Variants in USP15 observed in about 807,000 individuals in gnomAD.
USP15 encodes the protein ubiquitin specific peptidase 15.
USP15 carries 18 observed loss-of-function variants against 127.1 expected under a neutral mutation model. The ratio of observed to expected loss-of-function variants is 0.14; its 90% CI spans 0.10 to 0.21. The LOEUF (loss-of-function observed/expected upper bound fraction) is 0.21, where lower values mean the gene tolerates loss of function less well. USP15 is among the 10% of genes least tolerant of loss of function. The pLI is 1.00. For missense variants in USP15, 805 were observed against 1,159.9 expected, an observed-to-expected ratio of 0.69 and a Z score of 4.44; for synonymous variants, 364 against 393.7, an observed-to-expected ratio of 0.92 and a Z score of 0.89.
In USP15 at chr12:62,302,774, A is replaced by G. The variant is rs371223445; in HGVS notation, c.218-16A>G. ...GTATTTAGAGTTAGGTATTGAGTTTATTTTTTCTTTTGCAGATGGTGATGC... is the reference window on the plus strand; with the variant it reads ...GTATTTAGAGTTAGGTATTGAGTTTGTTTTTTCTTTTGCAGATGGTGATGC... On this transcript the variant is annotated splice_polypyrimidine_tract_variant and intron_variant, in intron 2 of 21. Transcript: ENST00000280377. 1.1e-5 allele frequency: 18 copies of G among 1,598,602 alleles called. No homozygotes were observed. In the African/African-American group the frequency reaches 1.3e-4, roughly 12 times the overall value.
chr12:62,270,348 T>TG (rs2063320071), intron 1 of USP15, among the ~76,000 whole-genome samples: 1 of 152,136 alleles, frequency 6.6e-6, no homozygotes. Context: ...CACTGAAACA[T>TG]GGAAGTTTTT....
Position 62,396,368 on chromosome 12 carries a change from A to C in USP15, c.2644A>C (p.Asn882His). The part of the protein sequence containing the change: ...PCRYNLIAVS[N>H]HYGGMGGGHY... ...CCGCTATAATCTGATTGCTGTTTCC[A>C]ACCACTATGGAGGGATGGGAGGAGG... is the stretch of plus-strand genomic sequence containing the variant. Residue 882 changes from asparagine to histidine, a missense_variant, in exon 20 of 22, where the codon AAC becomes CAC. Coordinates refer to ENST00000280377, the MANE Select transcript of USP15 (RefSeq NM_001252078.2). 6.2e-7 allele frequency: 1 copy of C among 1,612,260 alleles called. No individual in the cohort carries two copies.
chr12:62,391,588 A>G (rs2067327247), intron 16 of USP15, among the ~76,000 whole-genome samples, 159 bp downstream of exon 16: 1 of 152,100 alleles, frequency 6.6e-6, no homozygotes, highest in South Asian at 2.1e-4. Context: ...GTAGACTAAA[A>G]TGTGTGTTTG....
chr12:62,329,851 A>T (rs1483176270), intron 6 of USP15, among the ~76,000 whole-genome samples: 1 of 152,194 alleles, frequency 6.6e-6, no homozygotes, highest in Non-Finnish European at 1.5e-5. Context: ...TAATATTGTC[A>T]TTCTGTAAAC....
chr12:62,301,773 A>G (rs1005701987), intron 2 of USP15, among the ~76,000 whole-genome samples: 2 of 152,138 alleles, frequency 1.3e-5, no homozygotes, highest in African/African-American at 2.4e-5. Context: ...TATTGTTTAT[A>G]TCTTATTGGG....
chr12:62,278,053 CTTATTCTATAAGCT>C (rs907694312), intron 1 of USP15, among the ~76,000 whole-genome samples: 2 of 152,208 alleles, frequency 1.3e-5, no homozygotes, highest in African/African-American at 4.8e-5. Context: ...TCTTCATATC[CTTATTCTATAAGCT>C]TTTTTCTATT....
In USP15 at chr12:62,352,825, A is replaced by G. The variant is rs529875775; in HGVS notation, c.771-2506A>G. Reference sequence around the variant, plus strand: ...ATCTTTTATGGAAAGGTAAGGTTCAATTTCACAAAAAAAAAGTGTATTTTT... The same window carrying G: ...ATCTTTTATGGAAAGGTAAGGTTCAGTTTCACAAAAAAAAAGTGTATTTTT... On this transcript the variant is annotated intron_variant, in intron 7 of 21. Coordinates refer to ENST00000280377, the MANE Select transcript of USP15 (RefSeq NM_001252078.2). 2.0e-4 allele frequency among the ~76,000 whole-genome samples: 9 copies of G among 44,300 alleles called. No individual in the cohort carries two copies. The South Asian group carries it at 2.1e-3, about 10-fold the overall frequency. The allele number at this position is 44,300 out of a possible 152,430, so 29.1% of individuals were successfully genotyped here.
intron 8 of USP15, among the ~76,000 whole-genome samples, chr12:62,363,380 T>G (rs139228043): frequency 3.2e-4 from 48 of 152,266 alleles, no homozygotes; most frequent in Admixed American, 1.4e-3. Flanking sequence ...CTTACCTCCA[T>G]GCTTACCTTG....
At chr12:62,298,483 G>A (rs1293664275) in intron 2 of USP15, among the ~76,000 whole-genome samples, 1 of 152,086 alleles carries the variant, frequency 6.6e-6, no homozygotes, top group Non-Finnish European at 1.5e-5. Context: ...TGGCCAACAT[G>A]GTGAAACCCC....
intron 20 of USP15, among the ~76,000 whole-genome samples, chr12:62,398,242 C>G (rs1334269012): frequency 6.6e-6 from 1 of 152,174 alleles, no homozygotes; most frequent in Non-Finnish European, 1.5e-5. Flanking sequence ...ATCCTCCTAC[C>G]TCAGCCTCCT....
At chr12:62,286,928 ACT>A (rs2137118717) in intron 1 of USP15, among the ~76,000 whole-genome samples, 1 of 133,762 alleles carries the variant, frequency 7.5e-6, no homozygotes, top group African/African-American at 3.2e-5. Context: ...CAAGAGCGAA[ACT>A]CTGTCTCAAA....
At chr12:62,352,037 A>T (rs1191421326) in intron 7 of USP15, among the ~76,000 whole-genome samples, 3 of 151,830 alleles carry the variant, frequency 2.0e-5, no homozygotes, top group Non-Finnish European at 4.4e-5. Context: ...ATAGGTAATG[A>T]CCTTTTTGGA....
At chr12:62,342,320 A>G (rs544032636) in intron 6 of USP15, among the ~76,000 whole-genome samples, 2 of 152,120 alleles carry the variant, frequency 1.3e-5, no homozygotes, top group East Asian at 1.9e-4. Flanking sequence ...GTAACCTTTT[A>G]TCAAGGTTCT....
At chr12:62,299,099 G>A (rs545271253) in intron 2 of USP15, among the ~76,000 whole-genome samples, 2 of 151,960 alleles carry the variant, frequency 1.3e-5, no homozygotes, top group African/African-American at 4.8e-5. Flanking sequence ...TCATATAAAT[G>A]GAATCATACA....
chr12:62,368,495 G>A (rs1229731517), intron 8 of USP15, among the ~76,000 whole-genome samples: 2 of 152,192 alleles, frequency 1.3e-5, no homozygotes, highest in African/African-American at 2.4e-5. Flanking sequence ...GGGTGCTCCT[G>A]TGTTGGGTGC....
intron 3 of USP15, chr12:62,304,552 A>G (rs1374800701): frequency 3.7e-6 from 1 of 271,170 alleles, no homozygotes; most frequent in Non-Finnish European, 7.5e-6. Flanking sequence ...CCAACTTTCA[A>G]TGTTACCCAT....
intron 8 of USP15, among the ~76,000 whole-genome samples, chr12:62,358,844 G>A (rs2066222739): frequency 6.6e-6 from 1 of 152,016 alleles, no homozygotes; most frequent in African/African-American, 2.4e-5. Context: ...AAGTATATGT[G>A]AAGATATATG....
At chr12:62,267,845 T>G (rs2063234894) in intron 1 of USP15, among the ~76,000 whole-genome samples, 1 of 152,130 alleles carries the variant, frequency 6.6e-6, no homozygotes, top group African/African-American at 2.4e-5. Context: ...AGTTCCTTGT[T>G]CCAGGTAGAA....
chr12:62,348,805 T>G (rs915947600), intron 6 of USP15, among the ~76,000 whole-genome samples: 1 of 152,154 alleles, frequency 6.6e-6, no homozygotes, highest in Admixed American at 6.5e-5. Flanking sequence ...AAAATTGGAA[T>G]GTTCTCTGAT....
Sources: gnomAD v4.1 joint callset for allele counts (sites outside exome capture counted in the v4.1 genomes callset) on GRCh38, gnomAD v4.1.1 for gene constraint, MANE v1.5 for transcripts, NCBI Gene and HGNC (gene_info 2026-07-23, HGNC 2026-07-21) for gene names.